Variants in PHACTR2 observed in about 807,000 individuals in gnomAD.
PHACTR2 encodes the protein phosphatase and actin regulator 2.
In PHACTR2, 30 loss-of-function variants were observed where a neutral mutation model predicts 76.0. That is an observed-to-expected ratio of 0.39 (90% CI 0.30 to 0.54). PHACTR2 has a LOEUF of 0.54. Ranked by LOEUF, PHACTR2 falls within the 20% of genes least tolerant of loss-of-function variation. The pLI is 0.61. For missense variants in PHACTR2, 696 were observed against 781.1 expected (o/e 0.89, Z 1.30); for synonymous variants, 292 against 292.5 (o/e 1.00, Z 0.02).
chr6:143,814,862 A>G (rs1022623188), intron 12 of PHACTR2, among the ~76,000 whole-genome samples: 1 of 152,132 alleles, frequency 6.6e-6, no homozygotes, highest in African/African-American at 2.4e-5. Context: ...TCGGCCTCCC[A>G]AAGTGCTGGG....
At position 143,589,880 on chromosome 6, in the gene PHACTR2, A is replaced by G. The variant is rs960515108; in HGVS notation, c.217+52673A>G. Among the ~76,000 whole-genome samples, 1 of 152,240 alleles carries G rather than the reference A, an allele frequency of 6.6e-6. No individual in the cohort carries two copies. Among genetic ancestry groups the G allele is most frequent in the Non-Finnish European group, 1.5e-5 (1 of 68,034 alleles). On this transcript the variant is annotated intron_variant, in intron 1 of 11. Coordinates refer to the PHACTR2 transcript ENST00000367584. This position sits in a 1 kb window ranked among gnomAD's most constrained non-coding sequence, Gnocchi z 4.4. The stretch of plus-strand genomic sequence containing the variant: ...CAGCTCATTCTAGAACCAGGCAAGG[A>G]TAATAGGAGAAGGGAAAATGGCAGA...
rs996334196 is a variant in PHACTR2 at position 143,639,427 on chromosome 6, T to C, written c.13+31105T>C. Among the ~76,000 whole-genome samples the C allele has an allele frequency of 1.2e-4, 18 of 152,246 alleles. No individual in the cohort carries two copies. Among genetic ancestry groups the C allele is most frequent in the African/African-American group, 4.3e-4 (18 of 41,480 alleles). ...AGTGAAAGCATATTCAGAGCCATTT[T>C]ATAAGTGACACAAGCAAAATAATTC... On this transcript the variant is annotated intron_variant, in intron 1 of 11. Coordinates refer to the PHACTR2 transcript ENST00000305766. The surrounding 1 kb of genome is among the most constrained non-coding windows in gnomAD (Gnocchi z 5.0).
chr6:143,631,809 A>C (rs2128442130), intron 1 of PHACTR2, among the ~76,000 whole-genome samples: 1 of 152,276 alleles, frequency 6.6e-6, no homozygotes, highest in African/African-American at 2.4e-5. Flanking sequence ...AGAAAACATC[A>C]TTAAGAGACA....
chr6:143,669,708 T>C (rs1191410732), intron 1 of PHACTR2, among the ~76,000 whole-genome samples: 1 of 152,120 alleles, frequency 6.6e-6, no homozygotes, highest in Non-Finnish European at 1.5e-5. Flanking sequence ...TGCTTTTTTT[T>C]TTCTTTCTTT....
chr6:143,698,703 T>C lies in PHACTR2; in HGVS notation c.47-13313T>C, dbSNP rs1777829604. On this transcript the variant is annotated intron_variant, in intron 1 of 12. Coordinates refer to ENST00000440869, the MANE Select transcript of PHACTR2 (RefSeq NM_001100164.2). This position sits in a 1 kb window ranked among gnomAD's most constrained non-coding sequence, Gnocchi z 4.3. ...GGTCTACGTTTGGGTGGATGGTTGT[T>C]TGACTAATGTCAGCCTCTCTCATGG... Among the ~76,000 whole-genome samples the C allele has an allele frequency of 6.6e-6, 1 of 152,224 alleles. No homozygotes were observed. Among genetic ancestry groups the C allele is most frequent in the Non-Finnish European group, 1.5e-5 (1 of 68,040 alleles).
rs558992754 is a variant in PHACTR2, at chr6:143,777,102, C to T, written c.1590-226C>T. Reference sequence around the variant, plus strand: ...TCAGGTACCTAGCTAACATCCAGGCCGCTCTGTTGCTAAAAGGAAAGGAGA... The same window carrying T: ...TCAGGTACCTAGCTAACATCCAGGCTGCTCTGTTGCTAAAAGGAAAGGAGA... On this transcript the variant is annotated intron_variant, in intron 8 of 12. Transcript: ENST00000440869. This position sits in a 1 kb window ranked among gnomAD's most constrained non-coding sequence, Gnocchi z 4.6. 4.0e-4 allele frequency among the ~76,000 whole-genome samples: 61 copies of T among 152,170 alleles called. No homozygotes were observed. Among genetic ancestry groups the T allele is most frequent in the African/African-American group, 1.4e-3 (57 of 41,506 alleles).
chr6:143,584,982 A>C (rs1271083542), intron 1 of PHACTR2, among the ~76,000 whole-genome samples: 1 of 55,092 alleles, frequency 1.8e-5, no homozygotes, highest in Non-Finnish European at 3.7e-5. Context: ...ACCCAGATTA[A>C]AAAAAAAAAA....
At chr6:143,606,747 C>T (rs1235154175), upstream of PHACTR2, among the ~76,000 whole-genome samples, 1 of 152,002 alleles carries the variant, frequency 6.6e-6, no homozygotes, top group Admixed American at 6.6e-5. Context: ...GTATAGAAAC[C>T]CAGTGATTTC....
chr6:143,636,136 C>T (rs1333307483), intron 1 of PHACTR2, among the ~76,000 whole-genome samples: 1 of 151,820 alleles, frequency 6.6e-6, no homozygotes, highest in Non-Finnish European at 1.5e-5. Flanking sequence ...AATCTTTGAA[C>T]CCAAGAGGCA....
At chr6:143,614,593 G>A (rs572399977) in intron 1 of PHACTR2, among the ~76,000 whole-genome samples, 2 of 152,140 alleles carry the variant, frequency 1.3e-5, no homozygotes, top group African/African-American at 4.8e-5. Flanking sequence ...CCATAAGTAT[G>A]TACATTTCAT....
intron 1 of PHACTR2, among the ~76,000 whole-genome samples, chr6:143,573,103 C>T (rs143079607): frequency 0.01 from 1,551 of 152,276 alleles, 31 homozygotes; most frequent in African/African-American, 0.033. Flanking sequence ...TTATATATTG[C>T]ATTTCATTGT....
Position 143,772,439 on chromosome 6 carries a change from G to A in PHACTR2, c.1414G>A (p.Glu472Lys). Residue 472 changes from glutamate to lysine, a missense_variant, in exon 7 of 13, where the codon GAG becomes AAG. Around this residue, in one of 2 missense-constraint regions of PHACTR2, gnomAD observed 236 missense variants for 330.2 expected, o/e 0.71. Transcript: ENST00000440869. This position sits in a 1 kb window ranked among gnomAD's most constrained non-coding sequence, Gnocchi z 5.4. ...CGATGATGAGGACGAAGACGAAGAT[G>A]AGGATGGCAGTGGAGAAAGTAAGAC... ...YTDDEDEDED[E>K]DGSGESALAS... 6.2e-7 allele frequency: 1 copy of A among 1,613,838 alleles called. No individual in the cohort carries two copies. Among genetic ancestry groups the A allele is most frequent in the East Asian group, 2.2e-5 (1 of 44,870 alleles).
chr6:143,678,009 T>G lies in PHACTR2; in HGVS notation c.-155T>G. 6 of 1,454,180 alleles carry G rather than the reference T, an allele frequency of 4.1e-6. No individual in the cohort carries two copies. Among genetic ancestry groups the G allele is most frequent in the East Asian group, 3.0e-5 (1 of 33,418 alleles). The allele number at this position is 1,454,180 out of a possible 1,614,324, so 90.1% of individuals were successfully genotyped here. On this transcript the variant is annotated 5_prime_UTR_variant, in exon 1 of 13. Transcript: ENST00000440869. This position sits in a 1 kb window ranked among gnomAD's most constrained non-coding sequence, Gnocchi z 6.2. The stretch of plus-strand genomic sequence containing the variant: ...CCGCGCCGGCTGCGGCCGGCCGGGC[T>G]GGGAGACCCGCGCGGGGTAGAAGGT...
chr6:143,613,210 C>T (rs1275573368), intron 1 of PHACTR2, among the ~76,000 whole-genome samples: 1 of 152,240 alleles, frequency 6.6e-6, no homozygotes, highest in Non-Finnish European at 1.5e-5. Flanking sequence ...CTCCCGACCT[C>T]GTGATCCACC....
At position 143,557,710 on chromosome 6, in the gene PHACTR2, T is replaced by C. The variant is rs1775198478; in HGVS notation, c.217+20503T>C. ...TCCTAGAGGCAACCAGTTCCTTGCG[T>C]ACCCCACCCTCCTTCGTCAGCATGC... On this transcript the variant is annotated intron_variant, in intron 1 of 11. Coordinates refer to the PHACTR2 transcript ENST00000367584. This position sits in a 1 kb window ranked among gnomAD's most constrained non-coding sequence, Gnocchi z 5.5. 6.6e-6 allele frequency: 1 copy of C among 152,174 alleles called. No individual in the cohort carries two copies. The highest frequency in any genetic ancestry group is 1.5e-5 in the Non-Finnish European group (1 of 68,034). 9.4% of individuals were successfully genotyped at this position (152,174 alleles called of 1,614,324 possible). A position where few individuals can be genotyped will look rare whatever the true frequency, so the allele number is the denominator to read the frequency against.
At position 143,591,914 on chromosome 6, in the gene PHACTR2, T is replaced by C. The variant is rs1775696153; in HGVS notation, c.217+54707T>C. On this transcript the variant is annotated intron_variant, in intron 1 of 11. Transcript: ENST00000367584. The surrounding 1 kb of genome is among the most constrained non-coding windows in gnomAD (Gnocchi z 6.4). ...GGTTTTCCTGGGCCACTTCCCTAGA[T>C]CTATTTTTAGGAGATTGAAGGCAGA... Among the ~76,000 whole-genome samples the C allele has an allele frequency of 1.3e-5, 2 of 152,222 alleles. 1 individual carries two copies. The highest frequency in any genetic ancestry group is 4.1e-4 in the South Asian group (2 of 4,830).
intron 1 of PHACTR2, among the ~76,000 whole-genome samples, chr6:143,692,183 C>T (rs1777658982): frequency 1.3e-5 from 2 of 152,310 alleles, no homozygotes; most frequent in South Asian, 4.1e-4. Flanking sequence ...CTGACAACAG[C>T]TGGGTGGCTC....
intron 2 of PHACTR2, among the ~76,000 whole-genome samples, chr6:143,726,375 A>G (rs1778571742): frequency 6.6e-6 from 1 of 152,168 alleles, no homozygotes; most frequent in African/African-American, 2.4e-5. Context: ...CTATGAATAG[A>G]TCTCCGGAAC....
intron 1 of PHACTR2, among the ~76,000 whole-genome samples, chr6:143,634,274 T>C (rs1028308402): frequency 1.3e-5 from 2 of 152,240 alleles, no homozygotes; most frequent in African/African-American, 4.8e-5. Flanking sequence ...TCTGGAAAGT[T>C]ACATCTTAAG....
Sources: gnomAD v4.1 joint callset for allele counts (sites outside exome capture counted in the v4.1 genomes callset) on GRCh38, gnomAD v4.1.1 for gene constraint, gnomAD v4.1.1 regional missense constraint, Gnocchi (gnomAD v3.1) non-coding constraint, MANE v1.5 for transcripts, NCBI Gene and HGNC (gene_info 2026-07-23, HGNC 2026-07-21) for gene names.